ZNF624: variants seen among roughly 807,000 people sequenced by gnomAD.
ZNF624 encodes the protein zinc finger protein 624.
In ZNF624, 43 loss-of-function variants were observed where a neutral mutation model predicts 74.7. That is an observed-to-expected ratio of 0.58 (90% CI 0.45 to 0.74). The LOEUF (loss-of-function observed/expected upper bound fraction) is 0.74. Ranked by LOEUF, ZNF624 falls within the 30% of genes least tolerant of loss-of-function variation. ZNF624 has a pLI of 0.00. For synonymous variants in ZNF624, 331 were observed against 341.3 expected (o/e 0.97, Z 0.33); for missense variants, 820 against 1,030.0 (o/e 0.80, Z 2.79).
Position 16,620,953 on chromosome 17 carries a change from A to G in ZNF624, c.*1335T>C, listed in dbSNP as rs1908895012. On this transcript the variant is annotated 3_prime_UTR_variant, in exon 6 of 6. Coordinates refer to ENST00000311331, the MANE Select transcript of ZNF624 (RefSeq NM_020787.4). ...GTTTTATACCATAAAGGCAGCATTTACATTTTTCTGTTTTTACAGTCTCCC... is the reference window on the plus strand; with the variant it reads ...GTTTTATACCATAAAGGCAGCATTTGCATTTTTCTGTTTTTACAGTCTCCC... 6.6e-6 allele frequency: 1 copy of G among 152,154 alleles called. No individual in the cohort carries two copies. The highest frequency in any genetic ancestry group is 2.4e-5 in the African/African-American group (1 of 41,430). 9.4% of individuals were successfully genotyped at this position (152,154 alleles called of 1,614,324 possible). A position where few individuals can be genotyped will look rare whatever the true frequency, so the allele number is the denominator to read the frequency against.
intron 5 of ZNF624, among the ~76,000 whole-genome samples, chr17:16,626,834 A>G (rs1459204365): frequency 1.3e-5 from 2 of 152,068 alleles, no homozygotes; most frequent in African/African-American, 2.4e-5. Flanking sequence ...AGGTGGGCGG[A>G]TTACCTGACA....
downstream of ZNF624, chr17:16,617,823 C>T (rs1176965203): frequency 5.6e-6 from 9 of 1,611,928 alleles, no homozygotes; most frequent in East Asian, 1.3e-4. Flanking sequence ...ACTGAAAAAG[C>T]GCTGGATGGC....
At chr17:16,616,946 G>A (rs4792756), downstream of ZNF624, 8,302 of 1,576,434 alleles carry the variant, frequency 5.3e-3, 360 homozygotes, top group African/African-American at 0.097. Flanking sequence ...GACACAGAGC[G>A]GGCCTTTCAG....
downstream of ZNF624, chr17:16,617,516 A>G (rs1908814088): frequency 1.3e-6 from 2 of 1,588,540 alleles, no homozygotes; most frequent in Non-Finnish European, 1.7e-6. Flanking sequence ...AAATCTCTCC[A>G]ACTGCACAGA....
intron 3 of ZNF624, among the ~76,000 whole-genome samples, chr17:16,646,771 CA>C (rs1300572996): frequency 2.0e-5 from 3 of 152,306 alleles, no homozygotes; most frequent in Admixed American, 2.0e-4. Flanking sequence ...GTAAGTCAAA[CA>C]ACATAACCCT....
intron 3 of ZNF624, among the ~76,000 whole-genome samples, chr17:16,640,016 A>G (rs1909429422): frequency 6.6e-6 from 1 of 152,256 alleles, no homozygotes. Context: ...TAAGGCAGCT[A>G]TTATAAATAT....
chr17:16,647,423 G>C (rs1909619322), intron 2 of ZNF624, 29 bp from the exon 3 acceptor site: 1 of 1,601,000 alleles, frequency 6.2e-7, no homozygotes, highest in Non-Finnish European at 8.6e-7. Context: ...AGATCATTCA[G>C]TGATAGGCTG....
chr17:16,627,761 C>T (rs1194019755), intron 5 of ZNF624, among the ~76,000 whole-genome samples: 1 of 152,144 alleles, frequency 6.6e-6, no homozygotes. Flanking sequence ...AGAAATAGAT[C>T]GGCTGGCTGA....
intron 3 of ZNF624, among the ~76,000 whole-genome samples, chr17:16,638,427 C>G (rs183091903): frequency 3.9e-5 from 6 of 152,138 alleles, no homozygotes; most frequent in African/African-American, 1.4e-4. Context: ...ATGTTTACTG[C>G]GGCACTACTC....
At chr17:16,627,102 C>A (rs1414400940) in intron 5 of ZNF624, among the ~76,000 whole-genome samples, 1 of 151,932 alleles carries the variant, frequency 6.6e-6, no homozygotes, top group Admixed American at 6.6e-5. Flanking sequence ...TAAAACATAT[C>A]TATAGCACCA....
chr17:16,622,792 G>A lies in ZNF624; in HGVS notation c.2094C>T (p.Cys698=). 3 of 1,613,686 alleles carry A rather than the reference G, an allele frequency of 1.9e-6. No individual in the cohort carries two copies. The South Asian group carries it at 3.3e-5, about 18-fold the overall frequency. The change falls in exon 6 of 6, where the codon TGC becomes TGT. Residue 698 remains cysteine (C), a synonymous_variant. Coordinates refer to ENST00000311331, the MANE Select transcript of ZNF624 (RefSeq NM_020787.4). The part of the protein sequence containing the change: ...RRHTGEKPYK[C]NECGKVFTSN... ...TTGTGAAAACCTTTCCACATTCATT[G>A]CATTTATAGGGCTTCTCTCCAGTAT...
In ZNF624 at chr17:16,653,758, G is replaced by C. The variant is rs1374637610; in HGVS notation, c.-3+6C>G. 1 of 152,774 alleles carries C rather than the reference G, an allele frequency of 6.5e-6. No individual in the cohort carries two copies. Among genetic ancestry groups the C allele is most frequent in the Admixed American group, 6.5e-5 (1 of 15,292 alleles). The allele number at this position is 152,774 out of a possible 1,614,324, so 9.5% of individuals were successfully genotyped here. On this transcript the variant is annotated splice_donor_region_variant and intron_variant, in intron 1 of 5. Coordinates refer to ENST00000311331, the MANE Select transcript of ZNF624 (RefSeq NM_020787.4). ...ACCGAGGCCAGGCGCCCGGGACAAC[G>C]AGTACCTGGCGGCCGAACTGAGGAC...
intron 5 of ZNF624, among the ~76,000 whole-genome samples, chr17:16,632,289 T>C (rs1391870060): frequency 6.6e-6 from 1 of 152,208 alleles, no homozygotes; most frequent in Non-Finnish European, 1.5e-5. Flanking sequence ...TTATCTCCTT[T>C]AACCCTGTCA....
chr17:16,642,123 T>C (rs919983297), intron 3 of ZNF624, among the ~76,000 whole-genome samples: 3 of 152,164 alleles, frequency 2.0e-5, no homozygotes, highest in African/African-American at 7.2e-5. Context: ...AAAAATTCCA[T>C]CTGGCTTTTT....
Position 16,634,766 on chromosome 17 carries a change from T to C in ZNF624, c.154-10A>G, listed in dbSNP as rs556613649. On this transcript the variant is annotated splice_polypyrimidine_tract_variant and intron_variant, in intron 3 of 5. Transcript: ENST00000311331. Reference sequence around the variant, plus strand: ...TAAATGTCACCGATTCCTAAAACAATTACATTGTGATCACTTAGAAACTAT... The same window carrying C: ...TAAATGTCACCGATTCCTAAAACAACTACATTGTGATCACTTAGAAACTAT... 6.2e-7 allele frequency: 1 copy of C among 1,608,498 alleles called. No individual in the cohort carries two copies. The highest frequency in any genetic ancestry group is 1.1e-5 in the South Asian group (1 of 89,976).
intron 2 of ZNF624, among the ~76,000 whole-genome samples, chr17:16,647,683 T>A (rs748345764): frequency 6.6e-6 from 1 of 152,350 alleles, no homozygotes; most frequent in African/African-American, 2.4e-5. Flanking sequence ...AGACACTACA[T>A]AATTCTACTT....
chr17:16,625,781 G>A (rs1158919382), intron 5 of ZNF624, among the ~76,000 whole-genome samples: 1 of 151,904 alleles, frequency 6.6e-6, no homozygotes, highest in Non-Finnish European at 1.5e-5. Context: ...AAATTACACT[G>A]TGGGATACTG....
Position 16,624,164 on chromosome 17 carries a change from G to A in ZNF624, c.722C>T (p.Thr241Ile), listed in dbSNP as rs1160274628. Residue 241 changes from threonine (T) to isoleucine (I), a missense_variant, in exon 6 of 6, where the codon ACC becomes ATC. Coordinates refer to ENST00000311331, the MANE Select transcript of ZNF624 (RefSeq NM_020787.4). ...CTTGCAAATTATCTTCCCCAAATGG[G>A]TATCTGTAATCAAATTTAAATTCTC... ...FTENLNLITD[T>I]HLGKIICKEM... 6.2e-7 allele frequency: 1 copy of A among 1,614,024 alleles called. No individual in the cohort carries two copies. Among genetic ancestry groups the A allele is most frequent in the Admixed American group, 1.7e-5 (1 of 60,004 alleles).
intron 5 of ZNF624, among the ~76,000 whole-genome samples, chr17:16,625,837 G>C (rs1909058338): frequency 6.6e-6 from 1 of 151,908 alleles, no homozygotes; most frequent in Admixed American, 6.6e-5. Context: ...TTATTTTTAA[G>C]ACACTTTAAT....
Sources: gnomAD v4.1 joint callset for allele counts (sites outside exome capture counted in the v4.1 genomes callset) on GRCh38, gnomAD v4.1.1 for gene constraint, MANE v1.5 for transcripts, NCBI Gene and HGNC (gene_info 2026-07-23, HGNC 2026-07-21) for gene names.